The following EFCAB11 variants were observed in gnomAD, a reference collection of about 807,000 sequenced individuals.
EFCAB11 encodes EF-hand calcium-binding domain-containing protein 11.
Under a neutral mutation model 23.0 loss-of-function variants are expected in EFCAB11, and 14 were observed. The ratio of observed to expected loss-of-function variants is 0.61; its 90% CI spans 0.40 to 0.95. The LOEUF (loss-of-function observed/expected upper bound fraction) is 0.95, where lower values mean the gene tolerates loss of function less well. EFCAB11 is among the 40% of genes least tolerant of loss of function. The probability of loss-of-function intolerance (pLI) is 0.00; values close to 1 mark genes in which losing one functional copy is unlikely to be tolerated. For synonymous variants in EFCAB11, 65 were observed against 66.6 expected, an observed-to-expected ratio of 0.98 and a Z score of 0.11; for missense variants, 198 against 195.8, an observed-to-expected ratio of 1.01 and a Z score of -0.07.
At chr14:89,818,037 T>C (rs965767968) in intron 5 of EFCAB11, among the ~76,000 whole-genome samples, 1 of 151,732 alleles carries the variant, frequency 6.6e-6, no homozygotes, top group African/African-American at 2.4e-5. Flanking sequence ...AAAATTGCAG[T>C]TGGGGTAGGG....
At chr14:89,837,702 G>C (rs1258657581) in intron 5 of EFCAB11, among the ~76,000 whole-genome samples, 1 of 152,134 alleles carries the variant, frequency 6.6e-6, no homozygotes, top group Non-Finnish European at 1.5e-5. Context: ...AACCCATGCT[G>C]GTAGTGACGT....
At chr14:89,827,042 C>A (rs1447452746) in intron 5 of EFCAB11, among the ~76,000 whole-genome samples, 1 of 152,114 alleles carries the variant, frequency 6.6e-6, no homozygotes, top group Non-Finnish European at 1.5e-5. Flanking sequence ...TCAGAAACCA[C>A]AGTGGTTATT....
intron 5 of EFCAB11, among the ~76,000 whole-genome samples, chr14:89,803,147 G>C (rs1041958375): frequency 5.3e-5 from 8 of 152,136 alleles, no homozygotes; most frequent in African/African-American, 1.9e-4. Flanking sequence ...AATCACCCCA[G>C]TTGACAACCA....
chr14:89,931,757 G>A, intron 4 of EFCAB11, 126 bp from the exon 5 acceptor site: 1 of 708,132 alleles, frequency 1.4e-6, no homozygotes, highest in Non-Finnish European at 2.3e-6. Context: ...GTTTACGATT[G>A]ATTTCACAGA....
In EFCAB11 at chr14:89,797,188, G is replaced by T; in HGVS notation, c.*55C>A. 6.7e-7 allele frequency: 1 copy of T among 1,491,784 alleles called. No homozygotes were observed. Among genetic ancestry groups the T allele is most frequent in the South Asian group, 1.1e-5 (1 of 87,012 alleles). 92.4% of individuals were successfully genotyped at this position (1,491,784 alleles called of 1,614,324 possible). ...TGACATCATTAGTAGAGTCGAGTCT[G>T]CTGACATTACAATCTATTGATCTCC... On this transcript the variant is annotated 3_prime_UTR_variant, in exon 6 of 6. Coordinates refer to ENST00000316738, the MANE Select transcript of EFCAB11 (RefSeq NM_145231.4).
rs573284229 is a variant in EFCAB11 at position 89,883,625 on chromosome 14, TA to T, written c.410+47915del. ...GTATATGTTCAGCGTAGATGTAACTTAAAAAAAATATTTTCTGTCCTCAGTT... is the reference window on the plus strand; with the variant it reads ...GTATATGTTCAGCGTAGATGTAACTTAAAAAAATATTTTCTGTCCTCAGTT... On this transcript the variant is annotated intron_variant, in intron 5 of 5. Coordinates refer to ENST00000316738, the MANE Select transcript of EFCAB11 (RefSeq NM_145231.4). Among the ~76,000 whole-genome samples, 1,326 of 152,154 alleles carry T rather than the reference TA, an allele frequency of 8.7e-3. 18 individuals carry two copies. The highest frequency in any genetic ancestry group is 0.031 in the African/African-American group (1,272 of 41,498).
At chr14:89,947,431 T>C (rs1412431463) in intron 3 of EFCAB11, among the ~76,000 whole-genome samples, 3 of 152,170 alleles carry the variant, frequency 2.0e-5, no homozygotes, top group Non-Finnish European at 2.9e-5. Context: ...TCTTGATCTA[T>C]TGCCACTCTG....
At chr14:89,861,493 T>A (rs1301934712) in intron 5 of EFCAB11, among the ~76,000 whole-genome samples, 1 of 152,234 alleles carries the variant, frequency 6.6e-6, no homozygotes, top group Admixed American at 6.5e-5. Context: ...TTTCTCATCA[T>A]GTCCCTTCCT....
chr14:89,867,402 A>G (rs1160441911), intron 5 of EFCAB11, among the ~76,000 whole-genome samples: 1 of 152,122 alleles, frequency 6.6e-6, no homozygotes, highest in Non-Finnish European at 1.5e-5. Context: ...TGCCAACATC[A>G]TGTTAATGTG....
At chr14:89,910,688 T>G (rs1016666997) in intron 5 of EFCAB11, among the ~76,000 whole-genome samples, 5 of 152,042 alleles carry the variant, frequency 3.3e-5, no homozygotes, top group Non-Finnish European at 5.9e-5. Context: ...TCACTGAATG[T>G]TTACTTACAA....
chr14:89,824,828 G>A lies in EFCAB11; in HGVS notation c.411-27504C>T, dbSNP rs529938746. 1.6e-4 allele frequency among the ~76,000 whole-genome samples: 24 copies of A among 152,102 alleles called. 1 individual carries two copies. In the South Asian group the frequency reaches 4.8e-3, roughly 30 times the overall value. On this transcript the variant is annotated intron_variant, in intron 5 of 5. Coordinates refer to ENST00000316738, the MANE Select transcript of EFCAB11 (RefSeq NM_145231.4). ...AGACATAATAATTCTAAACGTATAC[G>A]TACCTAATAACAGAGCTTAAAAATA...
intron 5 of EFCAB11, among the ~76,000 whole-genome samples, chr14:89,853,844 T>C (rs957629153): frequency 6.6e-6 from 1 of 152,184 alleles, no homozygotes; most frequent in Non-Finnish European, 1.5e-5. Context: ...TTTGGATAAT[T>C]AAAGACAGAA....
chr14:89,923,899 C>G, intron 5 of EFCAB11: 1 of 985,358 alleles, frequency 1.0e-6, no homozygotes, highest in South Asian at 4.7e-5. Flanking sequence ...TCAAAAGAGA[C>G]GCAAATGACT....
At chr14:89,891,440 T>C (rs918541348) in intron 5 of EFCAB11, among the ~76,000 whole-genome samples, 1 of 152,200 alleles carries the variant, frequency 6.6e-6, no homozygotes, top group Non-Finnish European at 1.5e-5. Context: ...GTTTGAGATA[T>C]TATGGTAGAA....
chr14:89,832,497 T>C (rs1596389034), intron 5 of EFCAB11, among the ~76,000 whole-genome samples: 1 of 152,188 alleles, frequency 6.6e-6, no homozygotes, highest in African/African-American at 2.4e-5. Context: ...ATGTCGCACA[T>C]GTATGTTTCT....
At chr14:89,950,509 AT>A (rs926412888) in intron 2 of EFCAB11, among the ~76,000 whole-genome samples, 2 of 152,254 alleles carry the variant, frequency 1.3e-5, no homozygotes, top group South Asian at 2.1e-4. Flanking sequence ...TATTTTTAAG[AT>A]TTTTTTCCTA....
chr14:89,923,587 G>C (rs1247514234), intron 5 of EFCAB11: 5 of 749,346 alleles, frequency 6.7e-6, no homozygotes. Flanking sequence ...GCTGATGACT[G>C]TTATCTATGT....
At chr14:89,901,093 A>G (rs1889324238) in intron 5 of EFCAB11, among the ~76,000 whole-genome samples, 1 of 152,214 alleles carries the variant, frequency 6.6e-6, no homozygotes, top group Non-Finnish European at 1.5e-5. Context: ...AAAAGCATAT[A>G]TATTTGTAAA....
rs140800616 is a variant in EFCAB11, at chr14:89,946,707, T to C, written c.217+3390A>G. Among the ~76,000 whole-genome samples, 1,399 of 151,666 alleles carry C rather than the reference T, an allele frequency of 9.2e-3. 18 individuals carry two copies. The highest frequency in any genetic ancestry group is 0.011 in the Non-Finnish European group (772 of 67,970). Reference sequence around the variant, plus strand: ...GCCTCAGCCTCCCAGGTAGCTAAGATTACAGGCACGTGCCATCATGCCTGG... The same window carrying C: ...GCCTCAGCCTCCCAGGTAGCTAAGACTACAGGCACGTGCCATCATGCCTGG... On this transcript the variant is annotated intron_variant, in intron 3 of 5. Transcript: ENST00000316738.
Sources: gnomAD v4.1 joint callset for allele counts (sites outside exome capture counted in the v4.1 genomes callset) on GRCh38, gnomAD v4.1.1 for gene constraint, MANE v1.5 for transcripts, NCBI Gene and HGNC (gene_info 2026-07-23, HGNC 2026-07-21) for gene names.